HSPA4: variants seen among roughly 807,000 people sequenced by gnomAD.
The protein encoded by HSPA4 is heat shock 70 kDa protein 4.
A neutral mutation model predicts 106.2 loss-of-function variants in HSPA4; 25 were observed. That is an observed-to-expected ratio of 0.24 (90% CI 0.17 to 0.33). The LOEUF (loss-of-function observed/expected upper bound fraction) is 0.33, where lower values mean the gene tolerates loss of function less well. Ranked by LOEUF, HSPA4 falls within the 10% of genes least tolerant of loss-of-function variation. The pLI is 1.00. For synonymous variants in HSPA4, 332 were observed against 333.6 expected, an observed-to-expected ratio of 1.00 and a Z score of 0.05; for missense variants, 841 against 996.0, an observed-to-expected ratio of 0.84 and a Z score of 2.10.
At chr5:133,098,178 C>T (rs1166304678) in intron 15 of HSPA4, among the ~76,000 whole-genome samples, 1 of 152,178 alleles carries the variant, frequency 6.6e-6, no homozygotes, top group East Asian at 1.9e-4. Flanking sequence ...TTTTCCATTC[C>T]CAAGTTACTT....
At chr5:133,074,622 G>A (rs1275577252) in intron 6 of HSPA4, among the ~76,000 whole-genome samples, 4 of 152,102 alleles carry the variant, frequency 2.6e-5, no homozygotes, top group Non-Finnish European at 4.4e-5. Flanking sequence ...TTTACACTGG[G>A]GATTGAGAGG....
intron 4 of HSPA4, among the ~76,000 whole-genome samples, chr5:133,073,017 T>C (rs1175023759): frequency 6.6e-6 from 1 of 152,194 alleles, no homozygotes; most frequent in African/African-American, 2.4e-5. Flanking sequence ...GGTATTTTGG[T>C]CTGCCATGTA....
At chr5:133,077,021 A>T in intron 7 of HSPA4, 123 bp downstream of exon 7, 1 of 912,712 alleles carries the variant, frequency 1.1e-6, no homozygotes, top group Non-Finnish European at 1.6e-6. Context: ...TTCTATTTTA[A>T]AAATTAGAAG....
intron 7 of HSPA4, among the ~76,000 whole-genome samples, chr5:133,083,194 C>T (rs1194839850): frequency 3.3e-5 from 5 of 150,658 alleles, no homozygotes; most frequent in African/African-American, 1.2e-4. Flanking sequence ...CACCTGCAGT[C>T]CCAGCTACTC....
At chr5:133,059,962 T>A (rs2126693814) in intron 1 of HSPA4, among the ~76,000 whole-genome samples, 2 of 152,300 alleles carry the variant, frequency 1.3e-5, no homozygotes, top group Admixed American at 1.3e-4. Context: ...CTTTAAATAT[T>A]CTTGTCTTGC....
chr5:133,053,197 G>A (rs1344248265), intron 1 of HSPA4, among the ~76,000 whole-genome samples: 1 of 152,150 alleles, frequency 6.6e-6, no homozygotes, highest in Non-Finnish European at 1.5e-5. Context: ...AAAATGGTGG[G>A]TCACTCAGGT....
At chr5:133,093,844 C>T (rs1160398805) in intron 13 of HSPA4, among the ~76,000 whole-genome samples, 1 of 152,116 alleles carries the variant, frequency 6.6e-6, no homozygotes, top group African/African-American at 2.4e-5. Flanking sequence ...CTTGTAATCC[C>T]AGCACTTTGA....
chr5:133,055,638 CAAAT>C (rs1765151214), intron 1 of HSPA4, among the ~76,000 whole-genome samples: 1 of 151,970 alleles, frequency 6.6e-6, no homozygotes, highest in Non-Finnish European at 1.5e-5. Flanking sequence ...CTGTGGTGAA[CAAAT>C]AAGGTCATGC....
intron 3 of HSPA4, among the ~76,000 whole-genome samples, chr5:133,068,684 T>C (rs1008185883): frequency 6.6e-6 from 1 of 152,002 alleles, no homozygotes; most frequent in Non-Finnish European, 1.5e-5. Flanking sequence ...AATGGGATAG[T>C]AAAAGATGAA....
intron 2 of HSPA4, among the ~76,000 whole-genome samples, chr5:133,065,864 A>G (rs1384402686): frequency 6.6e-6 from 1 of 152,216 alleles, no homozygotes; most frequent in Non-Finnish European, 1.5e-5. Context: ...AGATATCTGT[A>G]AAATTAAGGA....
At chr5:133,068,625 A>G (rs1220797792) in intron 3 of HSPA4, among the ~76,000 whole-genome samples, 2 of 152,218 alleles carry the variant, frequency 1.3e-5, no homozygotes, top group African/African-American at 4.8e-5. Flanking sequence ...AAATTAAAGA[A>G]TGATGACTGG....
chr5:133,100,812 G>A (rs979692584), intron 16 of HSPA4, among the ~76,000 whole-genome samples: 1 of 152,074 alleles, frequency 6.6e-6, no homozygotes. Flanking sequence ...TTGGTTTCTT[G>A]TGGAACTGGG....
At chr5:133,070,708 C>G (rs1364807185) in intron 4 of HSPA4, among the ~76,000 whole-genome samples, 1 of 152,074 alleles carries the variant, frequency 6.6e-6, no homozygotes, top group Admixed American at 6.5e-5. Flanking sequence ...TCGAGACCAG[C>G]CTGGCCAACA....
Position 133,097,306 on chromosome 5 carries a change from C to T in HSPA4, c.1929+20C>T. Reference sequence around the variant, plus strand: ...GAAGATGTAAGTCTGCCACAATATGCCTAACTACTGTGTGTCTTCTGTGAA... The same window carrying T: ...GAAGATGTAAGTCTGCCACAATATGTCTAACTACTGTGTGTCTTCTGTGAA... On this transcript the variant is annotated intron_variant, in intron 15 of 18. Coordinates refer to ENST00000304858, the MANE Select transcript of HSPA4 (RefSeq NM_002154.4). The T allele has an allele frequency of 1.2e-6, 2 of 1,605,238 alleles. No individual in the cohort carries two copies. The highest frequency in any genetic ancestry group is 8.5e-7 in the Non-Finnish European group (1 of 1,173,162).
intron 3 of HSPA4, among the ~76,000 whole-genome samples, chr5:133,069,176 CTG>C (rs943857757): frequency 1.8e-4 from 27 of 152,176 alleles, no homozygotes; most frequent in African/African-American, 5.8e-4. Context: ...AAATTCGTAA[CTG>C]TTATCACATT....
intron 1 of HSPA4, among the ~76,000 whole-genome samples, chr5:133,053,332 T>C (rs1353453088): frequency 1.4e-5 from 2 of 145,126 alleles, no homozygotes; most frequent in Admixed American, 6.7e-5. Flanking sequence ...TCTCTTCTTT[T>C]TTTTTTTTTT....
At position 133,052,216 on chromosome 5, in the gene HSPA4, G is replaced by T; in HGVS notation, c.-35G>T. Reference sequence around the variant, plus strand: ...GGGTCCGTGTCCTGTCTCGGTGGCCGGACCCGGGCCCGAGCCCGAGCAGTA... The same window carrying T: ...GGGTCCGTGTCCTGTCTCGGTGGCCTGACCCGGGCCCGAGCCCGAGCAGTA... On this transcript the variant is annotated 5_prime_UTR_variant, in exon 1 of 19. Coordinates refer to ENST00000304858, the MANE Select transcript of HSPA4 (RefSeq NM_002154.4). 1 of 1,469,502 alleles carries T rather than the reference G, an allele frequency of 6.8e-7. No individual in the cohort carries two copies. Among genetic ancestry groups the T allele is most frequent in the East Asian group, 2.4e-5 (1 of 41,186 alleles). The allele number at this position is 1,469,502 out of a possible 1,614,324, so 91.0% of individuals were successfully genotyped here.
intron 14 of HSPA4, 52 bp downstream of exon 14, chr5:133,096,302 T>G (rs772009955): frequency 6.5e-7 from 1 of 1,526,876 alleles, no homozygotes; most frequent in African/African-American, 1.4e-5. Flanking sequence ...AATGTTACCA[T>G]AGTATTCAGA....
chr5:133,076,595 A>G (rs1233157973), intron 6 of HSPA4, 59 bp from the exon 7 acceptor site: 16 of 1,470,726 alleles, frequency 1.1e-5, no homozygotes, highest in Non-Finnish European at 1.3e-5. Flanking sequence ...GTAAATATAT[A>G]TCATCTGTTT....
Sources: allele counts gnomAD v4.1 joint callset (sites outside exome capture counted in the v4.1 genomes callset), GRCh38; gene constraint gnomAD v4.1.1; transcripts MANE v1.5; gene names NCBI Gene and HGNC (gene_info 2026-07-23, HGNC 2026-07-21).